ANO2: variants seen among roughly 807,000 people sequenced by gnomAD.
ANO2 encodes the protein anoctamin 2, also known as anoctamin-2.
ANO2 carries 101 observed loss-of-function variants against 124.2 expected under a neutral mutation model. That is an observed-to-expected ratio of 0.81 (90% CI 0.69 to 0.96). ANO2 has a LOEUF of 0.96. Ranked by LOEUF, ANO2 falls within the 40% of genes least tolerant of loss-of-function variation. The pLI is 0.00. For synonymous variants in ANO2, 486 were observed against 482.5 expected (o/e 1.01, Z -0.09); for missense variants, 1,293 against 1,274.5 (o/e 1.01, Z -0.22).
chr12:5,921,258 G>GGTA lies in ANO2; in HGVS notation c.313_315dup (p.Tyr105dup). The GGTA allele has an allele frequency of 1.2e-6, 2 of 1,613,988 alleles. No individual in the cohort carries two copies. The highest frequency in any genetic ancestry group is 2.2e-5 in the South Asian group (2 of 91,082). On this transcript the variant is annotated inframe_insertion, in exon 3 of 25. Coordinates refer to ENST00000682330, the MANE Select transcript of ANO2 (RefSeq NM_001364791.2). ...AGGTGCACCCCGCGTTTCCGGTAGT[G>GGTA]GTAGGCAAGTACATAGTCGACCTTC...
chr12:5,758,991 A>G (rs768523856), intron 10 of ANO2, among the ~76,000 whole-genome samples: 2 of 152,212 alleles, frequency 1.3e-5, no homozygotes, highest in Non-Finnish European at 2.9e-5. Context: ...AAAAGAAAAT[A>G]CAAAGGGAAA....
chr12:5,791,269 G>A (rs540023593), intron 10 of ANO2, among the ~76,000 whole-genome samples: 2 of 151,706 alleles, frequency 1.3e-5, no homozygotes, highest in East Asian at 3.9e-4. Context: ...AGTGACAGCT[G>A]ACAATCTGAC....
rs556483606 is a variant in ANO2 at position 5,621,580 on chromosome 12, C to T, written c.1817-6283G>A. On this transcript the variant is annotated intron_variant, in intron 16 of 24. Transcript: ENST00000682330. ...TGGACTGACAGGTGCGGGGAGGGCC[C>T]GCTGGGAATTTTCATTAAGTGCTGC... Among the ~76,000 whole-genome samples the T allele has an allele frequency of 5.3e-5, 8 of 152,180 alleles. 1 individual carries two copies. Among genetic ancestry groups the T allele is most frequent in the African/African-American group, 1.9e-4 (8 of 41,518 alleles).
intron 16 of ANO2, among the ~76,000 whole-genome samples, chr12:5,621,971 G>C (rs1303463337): frequency 1.3e-5 from 2 of 151,974 alleles, no homozygotes; most frequent in African/African-American, 4.8e-5. Context: ...CTCTGTCCAG[G>C]GTGCCTGAGG....
intron 19 of ANO2, among the ~76,000 whole-genome samples, chr12:5,602,413 G>A (rs1209445198): frequency 6.6e-6 from 1 of 151,920 alleles, no homozygotes; most frequent in African/African-American, 2.4e-5. Flanking sequence ...ACCAGGCCCA[G>A]CTAATATTTT....
At chr12:5,785,916 T>C (rs1952526723) in intron 10 of ANO2, among the ~76,000 whole-genome samples, 1 of 152,102 alleles carries the variant, frequency 6.6e-6, no homozygotes, top group African/African-American at 2.4e-5. Flanking sequence ...GTGCCTCTGA[T>C]ATACACCATG....
chr12:5,920,809 G>A (rs1461963221), intron 3 of ANO2, among the ~76,000 whole-genome samples: 1 of 152,124 alleles, frequency 6.6e-6, no homozygotes, highest in Non-Finnish European at 1.5e-5. Context: ...AGAGCTTGAA[G>A]TGAGCCAAGA....
At position 5,769,072 on chromosome 12, in the gene ANO2, T is replaced by G. The variant is rs1951991041; in HGVS notation, c.1056-18102A>C. Among the ~76,000 whole-genome samples, 1 of 152,114 alleles carries G rather than the reference T, an allele frequency of 6.6e-6. No individual in the cohort carries two copies. The highest frequency in any genetic ancestry group is 2.4e-5 in the African/African-American group (1 of 41,412). ...GCTGGAAACAACACAGCAAATGGGATGAGAACTGCTCAAAAATTCCAGAAA... is the reference window on the plus strand; with the variant it reads ...GCTGGAAACAACACAGCAAATGGGAGGAGAACTGCTCAAAAATTCCAGAAA... On this transcript the variant is annotated intron_variant, in intron 10 of 24. Coordinates refer to ENST00000682330, the MANE Select transcript of ANO2 (RefSeq NM_001364791.2). This position sits in a 1 kb window ranked among gnomAD's most constrained non-coding sequence, Gnocchi z 4.0.
intron 3 of ANO2, among the ~76,000 whole-genome samples, chr12:5,873,235 CTCTCTCTCTCTG>C (rs1937845660): frequency 6.7e-6 from 1 of 149,058 alleles, no homozygotes; most frequent in Non-Finnish European, 1.5e-5. Context: ...CTCTCTCTCT[CTCTCTCTCTCTG>C]TCTGTCTCTC....
intron 1 of ANO2, among the ~76,000 whole-genome samples, chr12:5,940,089 G>GGATA (rs750951775): frequency 8.0e-6 from 1 of 125,058 alleles, no homozygotes; most frequent in Non-Finnish European, 1.6e-5. Context: ...ATGGATGGAT[G>GGATA]GATAGATGGA....
intron 7 of ANO2, among the ~76,000 whole-genome samples, chr12:5,827,478 G>A (rs1251922780): frequency 1.3e-5 from 2 of 152,158 alleles, no homozygotes; most frequent in Admixed American, 6.5e-5. Flanking sequence ...AGAATTATCC[G>A]GATAAAGTGG....
chr12:5,854,259 C>T (rs1469666534), intron 3 of ANO2, 118 bp from the exon 4 acceptor site: 5 of 905,812 alleles, frequency 5.5e-6, no homozygotes, highest in Admixed American at 4.3e-5. Context: ...TTCTCGTTTT[C>T]GTTCTCTTTA....
chr12:5,809,825 G>A (rs954628485), intron 7 of ANO2, among the ~76,000 whole-genome samples: 15 of 152,110 alleles, frequency 9.9e-5, no homozygotes, highest in Non-Finnish European at 1.8e-4. Flanking sequence ...GCGTCTCACC[G>A]CACTTAGCTC....
intron 14 of ANO2, among the ~76,000 whole-genome samples, chr12:5,706,334 ATCTCAT>A (rs1949608594): frequency 6.6e-6 from 1 of 150,972 alleles, no homozygotes; most frequent in Non-Finnish European, 1.5e-5. Context: ...TGCCTCTCAG[ATCTCAT>A]CCCCTCCCCA....
At position 5,807,368 on chromosome 12, in the gene ANO2, C is replaced by A; in HGVS notation, c.893G>T (p.Gly298Val). ...ATTGTTTGCGATCAGAGAGTTAATACCTACGGAAGAAAGGGAGATGAAAAT... is the reference window on the plus strand; with the variant it reads ...ATTGTTTGCGATCAGAGAGTTAATAACTACGGAAGAAAGGGAGATGAAAAT... ...TACSRANNTM[G>V]INSLIANNIY... The change falls in exon 8 of 25, where the codon GGT becomes GTT. Residue 298 changes from glycine (G) to valine (V), a missense_variant and splice_region_variant. By Grantham distance (109) the Gly-to-Val change is moderately radical (BLOSUM62 -3). Coordinates refer to ENST00000682330, the MANE Select transcript of ANO2 (RefSeq NM_001364791.2). 1 of 1,554,762 alleles carries A rather than the reference C, an allele frequency of 6.4e-7. No individual in the cohort carries two copies. The highest frequency in any genetic ancestry group is 8.7e-7 in the Non-Finnish European group (1 of 1,148,788).
intron 15 of ANO2, among the ~76,000 whole-genome samples, chr12:5,647,157 T>G (rs445467): frequency 0.41 from 62,440 of 152,094 alleles, 14,595 homozygotes; most frequent in African/African-American, 0.62. Context: ...CAGATACTGC[T>G]GTCTTGCCCA....
At position 5,756,768 on chromosome 12, in the gene ANO2, A is replaced by AC. The variant is rs1951595612; in HGVS notation, c.1056-5799_1056-5798insG. On this transcript the variant is annotated intron_variant, in intron 10 of 24. Transcript: ENST00000682330. Reference sequence around the variant, plus strand: ...GAGATTCTGTTGAGATCTGCATGAGAGTAGGGCTGCATTTGGTTTCCATGA... The same window carrying AC: ...GAGATTCTGTTGAGATCTGCATGAGACGTAGGGCTGCATTTGGTTTCCATGA... 2.0e-5 allele frequency among the ~76,000 whole-genome samples: 3 copies of AC among 152,282 alleles called. No individual in the cohort carries two copies. In the South Asian group the frequency reaches 6.2e-4, roughly 32 times the overall value.
intron 14 of ANO2, among the ~76,000 whole-genome samples, chr12:5,706,745 A>G (rs1949626009): frequency 6.6e-6 from 1 of 152,166 alleles, no homozygotes; most frequent in Non-Finnish European, 1.5e-5. Flanking sequence ...CTATAACCCC[A>G]TGGTCTAGAG....
intron 10 of ANO2, among the ~76,000 whole-genome samples, chr12:5,779,453 G>A (rs1225459265): frequency 2.6e-5 from 4 of 152,090 alleles, no homozygotes; most frequent in East Asian, 1.9e-4. Context: ...TCCTCCAAAC[G>A]CTCTTCTTTC....
Sources: allele counts gnomAD v4.1 joint callset (sites outside exome capture counted in the v4.1 genomes callset), GRCh38; gene constraint gnomAD v4.1.1; non-coding constraint Gnocchi (gnomAD v3.1); transcripts MANE v1.5; gene names NCBI Gene and HGNC (gene_info 2026-07-23, HGNC 2026-07-21).